PHGDH: variants seen among roughly 807,000 people sequenced by gnomAD.
The protein encoded by PHGDH is D-3-phosphoglycerate dehydrogenase.
PHGDH carries 50 observed loss-of-function variants against 52.6 expected under a neutral mutation model. The observed-to-expected ratio is 0.95, with a 90% CI of 0.76 to 1.20. The LOEUF is 1.20. Among genes scored for constraint, PHGDH ranks in the 50% most tolerant of loss-of-function variants. The pLI, the probability that PHGDH is intolerant of heterozygous loss-of-function variation, is 0.00. For synonymous variants in PHGDH, 271 were observed against 280.5 expected (o/e 0.97, Z 0.34); for missense variants, 630 against 684.6 (o/e 0.92, Z 0.89).
At chr1:119,719,298 C>T (rs1239246653) in intron 1 of PHGDH, among the ~76,000 whole-genome samples, 9 of 152,002 alleles carry the variant, frequency 5.9e-5, no homozygotes, top group South Asian at 4.1e-4. Context: ...AGCGGGCATC[C>T]GATAAAATGA....
At chr1:119,718,212 A>G (rs893427529) in intron 1 of PHGDH, among the ~76,000 whole-genome samples, 3 of 152,194 alleles carry the variant, frequency 2.0e-5, no homozygotes, top group African/African-American at 4.8e-5. Flanking sequence ...TAAATGCTGT[A>G]TTTGGAAGGT....
chr1:119,729,772 A>G (rs1010182272), intron 5 of PHGDH: 3 of 152,084 alleles, frequency 2.0e-5, no homozygotes, highest in African/African-American at 7.3e-5. Context: ...ATTGAAAGAG[A>G]TGTCTACGGC....
At chr1:119,727,942 G>C (rs1256164457) in intron 5 of PHGDH, among the ~76,000 whole-genome samples, 1 of 152,208 alleles carries the variant, frequency 6.6e-6, no homozygotes, top group East Asian at 1.9e-4. Flanking sequence ...GGGAAGAGCT[G>C]TTACTAGTAA....
chr1:119,735,222 ACCTCTGGAAGC>A, intron 6 of PHGDH, 62 bp from the exon 7 acceptor site: 1 of 1,594,426 alleles, frequency 6.3e-7, no homozygotes, highest in Non-Finnish European at 8.6e-7. Flanking sequence ...GAAAGGGAAG[ACCTCTGGAAGC>A]CAGGGATGAG....
chr1:119,727,621 A>T (rs1651491944), intron 5 of PHGDH: 1 of 168,086 alleles, frequency 5.9e-6, no homozygotes, highest in Non-Finnish European at 1.3e-5. Context: ...TGAGGTCAGG[A>T]GATCAAGACC....
chr1:119,729,066 C>T (rs1173764435), intron 5 of PHGDH, among the ~76,000 whole-genome samples: 2 of 152,194 alleles, frequency 1.3e-5, no homozygotes, highest in Non-Finnish European at 2.9e-5. Flanking sequence ...ATTATCCTCT[C>T]CCTCCTGCCT....
intron 10 of PHGDH, chr1:119,742,286 C>G: frequency 2.7e-6 from 1 of 370,890 alleles, no homozygotes; most frequent in Non-Finnish European, 5.1e-6. Context: ...GCTCTAGGAG[C>G]CCTGCTGCCT....
At chr1:119,719,883 C>A (rs587708492) in intron 1 of PHGDH, 1 of 152,350 alleles carries the variant, frequency 6.6e-6, no homozygotes, top group South Asian at 2.1e-4. Flanking sequence ...GAAAATGGAT[C>A]TGAGGAGCCA....
At chr1:119,724,740 G>A (rs964593716) in intron 3 of PHGDH, 3 of 454,430 alleles carry the variant, frequency 6.6e-6, no homozygotes, top group Admixed American at 4.7e-5. Flanking sequence ...TCTGGAGGTG[G>A]AAGGAAAGGA....
intron 9 of PHGDH, 87 bp downstream of exon 9, chr1:119,740,605 C>A: frequency 8.3e-7 from 1 of 1,204,886 alleles, no homozygotes; most frequent in Non-Finnish European, 1.2e-6. Flanking sequence ...CTGCAGGACA[C>A]AGGGTTAGTG....
chr1:119,712,534 C>G, intron 1 of PHGDH: 1 of 310,902 alleles, frequency 3.2e-6, no homozygotes, highest in South Asian at 2.8e-5. Flanking sequence ...CGCCTCTCCC[C>G]CAACCCCCAA....
At chr1:119,739,582 T>C (rs941455997) in intron 8 of PHGDH, 2 of 152,204 alleles carry the variant, frequency 1.3e-5, no homozygotes, top group African/African-American at 4.8e-5. Flanking sequence ...AAGAGAAGCA[T>C]CTGTGTTTCC....
At chr1:119,730,695 G>A (rs1017484060) in intron 5 of PHGDH, among the ~76,000 whole-genome samples, 4 of 152,228 alleles carry the variant, frequency 2.6e-5, no homozygotes, top group Non-Finnish European at 4.4e-5. Context: ...TATTTAGATT[G>A]TGTATAGATA....
intron 6 of PHGDH, chr1:119,735,090 A>G (rs1651872745): frequency 7.1e-6 from 5 of 707,238 alleles, no homozygotes; most frequent in African/African-American, 1.8e-5. Context: ...GATGTTTCTA[A>G]ACTGAGTCTG....
At chr1:119,734,888 C>G (rs964336295) in intron 6 of PHGDH, 122 bp downstream of exon 6, 1 of 1,088,732 alleles carries the variant, frequency 9.2e-7, no homozygotes, top group African/African-American at 1.5e-5. Context: ...CCACCTGGGT[C>G]CTGCAGAGGC....
intron 5 of PHGDH, among the ~76,000 whole-genome samples, chr1:119,731,296 G>A (rs1034493343): frequency 7.2e-5 from 11 of 152,158 alleles, no homozygotes; most frequent in African/African-American, 1.9e-4. Flanking sequence ...TTGTGTCTGC[G>A]AGAGACTTTT....
chr1:119,720,811 C>T (rs890779028), intron 1 of PHGDH: 2 of 359,840 alleles, frequency 5.6e-6, no homozygotes, highest in Admixed American at 3.8e-5. Context: ...AGGAGATGGC[C>T]CCTGACTTCC....
chr1:119,717,232 CAAAAAAAAAAAAAAA>C (rs58549149), intron 1 of PHGDH, among the ~76,000 whole-genome samples: 4 of 37,352 alleles, frequency 1.1e-4, no homozygotes, highest in African/African-American at 4.3e-4. Flanking sequence ...AACTCTGTCT[CAAAAAAAAAAAAAAA>C]AAAAAAAAAA....
chr1:119,726,617 C>A, intron 3 of PHGDH: 1 of 598,418 alleles, frequency 1.7e-6, no homozygotes, highest in Admixed American at 2.7e-5. Context: ...TACCTCCTCC[C>A]AGATGCCTGG....
Sources: allele counts gnomAD v4.1 joint callset (sites outside exome capture counted in the v4.1 genomes callset), GRCh38; gene constraint gnomAD v4.1.1; transcripts MANE v1.5; gene names NCBI Gene and HGNC (gene_info 2026-07-23, HGNC 2026-07-21).